Variants in MELK observed in about 807,000 individuals in gnomAD.
MELK encodes maternal embryonic leucine zipper kinase.
A neutral mutation model predicts 85.0 loss-of-function variants in MELK; 81 were observed. That is an observed-to-expected ratio of 0.95 (90% CI 0.80 to 1.15). The LOEUF is 1.15. MELK is among the 50% of genes most tolerant of loss of function. The probability of loss-of-function intolerance (pLI) is 0.00; values close to 1 mark genes in which losing one functional copy is unlikely to be tolerated. For synonymous variants in MELK, 252 were observed against 265.0 expected (o/e 0.95, Z 0.48); for missense variants, 754 against 777.5 (o/e 0.97, Z 0.36).
chr9:36,673,048 GTTTT>G (rs1309879970), intron 16 of MELK, among the ~76,000 whole-genome samples: 2 of 152,112 alleles, frequency 1.3e-5, no homozygotes, highest in East Asian at 3.8e-4. Context: ...TAATACCTTA[GTTTT>G]TTAAGATAGC....
At chr9:36,641,016 G>C (rs1829707429) in intron 10 of MELK, among the ~76,000 whole-genome samples, 1 of 152,128 alleles carries the variant, frequency 6.6e-6, no homozygotes, top group South Asian at 2.1e-4. Context: ...TCTCTTTCTT[G>C]TTATGTTTGG....
chr9:36,669,459 C>T (rs925779354), intron 15 of MELK, 53 bp downstream of exon 15: 4 of 1,290,036 alleles, frequency 3.1e-6, no homozygotes. Context: ...AACCAGATTT[C>T]CTTTTTCATG....
intron 12 of MELK, among the ~76,000 whole-genome samples, chr9:36,652,754 A>T (rs891034079): frequency 6.7e-6 from 1 of 149,496 alleles, no homozygotes; most frequent in Non-Finnish European, 1.5e-5. Flanking sequence ...AAAAAAGAAA[A>T]TGCTTAAGCC....
intron 14 of MELK, among the ~76,000 whole-genome samples, chr9:36,667,615 G>C (rs933342716): frequency 6.6e-6 from 1 of 152,206 alleles, no homozygotes; most frequent in Non-Finnish European, 1.5e-5. Flanking sequence ...GTCATGACGA[G>C]AAAGATTGTG....
chr9:36,592,447 G>A (rs1203668881), intron 4 of MELK, among the ~76,000 whole-genome samples: 1 of 152,084 alleles, frequency 6.6e-6, no homozygotes, highest in Non-Finnish European at 1.5e-5. Context: ...AAGTGCTCGG[G>A]ATTACAGGAG....
chr9:36,615,208 C>T (rs1435777074), intron 8 of MELK, among the ~76,000 whole-genome samples: 1 of 143,852 alleles, frequency 7.0e-6, no homozygotes, highest in East Asian at 2.1e-4. Flanking sequence ...CTGACCCCCC[C>T]ACCTCCCTCC....
At chr9:36,608,641 G>A (rs1825795873) in intron 8 of MELK, among the ~76,000 whole-genome samples, 1 of 151,994 alleles carries the variant, frequency 6.6e-6, no homozygotes, top group African/African-American at 2.4e-5. Flanking sequence ...GAGTGCAATG[G>A]TGCGATCTTG....
Position 36,636,782 on chromosome 9 carries a change from T to TTCTTTCTGTCTGTCTGTCTG in MELK, c.834+3585_834+3586insTTCTGTCTGTCTGTCTGTCT, listed in dbSNP as rs71494635. On this transcript the variant is annotated intron_variant, in intron 10 of 17. Coordinates refer to ENST00000298048, the MANE Select transcript of MELK (RefSeq NM_014791.4). ...TTTCTTTCTTTCTTTCTTTCTTTCT[T>TTCTTTCTGTCTGTCTGTCTG]TCTGTCTGTCTTTCTTTCTTTCTGT... Among the ~76,000 whole-genome samples the TTCTTTCTGTCTGTCTGTCTG allele has an allele frequency of 1.9e-3, 202 of 107,642 alleles. 2 individuals are homozygous for TTCTTTCTGTCTGTCTGTCTG. The highest frequency in any genetic ancestry group is 2.5e-3 in the African/African-American group (61 of 24,516). The allele number at this position is 107,642 out of a possible 152,430, so 70.6% of individuals were successfully genotyped here.
At chr9:36,598,964 G>A (rs1378246262) in intron 6 of MELK, among the ~76,000 whole-genome samples, 1 of 152,112 alleles carries the variant, frequency 6.6e-6, no homozygotes, top group African/African-American at 2.4e-5. Flanking sequence ...ATTATGTGGG[G>A]TGGTTTTTCA....
intron 3 of MELK, among the ~76,000 whole-genome samples, chr9:36,584,595 A>G (rs1206424625): frequency 6.7e-6 from 1 of 150,166 alleles, no homozygotes; most frequent in East Asian, 2.0e-4. Context: ...GACCTCCCAA[A>G]GTGCTGGGAT....
intron 4 of MELK, among the ~76,000 whole-genome samples, chr9:36,590,527 A>G (rs532203411): frequency 7.2e-5 from 11 of 151,966 alleles, no homozygotes; most frequent in African/African-American, 2.4e-4. Context: ...TCTCTGTCCA[A>G]ATGTCTCTCT....
At chr9:36,627,676 C>T (rs1828075602) in intron 8 of MELK, among the ~76,000 whole-genome samples, 1 of 150,998 alleles carries the variant, frequency 6.6e-6, no homozygotes, top group African/African-American at 2.4e-5. Flanking sequence ...TATAAGTGCC[C>T]GCCACCACAC....
At chr9:36,666,853 TTGTGTGTGTGTGTGTGTGTGTGTG>T (rs5897643) in intron 14 of MELK, among the ~76,000 whole-genome samples, 66 of 130,836 alleles carry the variant, frequency 5.0e-4, no homozygotes, top group Admixed American at 2.3e-3. Context: ...ATGTCTGTGT[TTGTGTGTGTGTGTGTGTGTGTGTG>T]TGTGTGTGTG....
At chr9:36,627,815 C>T (rs1362884932) in intron 8 of MELK, among the ~76,000 whole-genome samples, 2 of 152,122 alleles carry the variant, frequency 1.3e-5, no homozygotes, top group Non-Finnish European at 2.9e-5. Context: ...GCGTGAGCCA[C>T]TGTGCCCAGC....
At chr9:36,652,032 T>A (rs1830755439) in intron 12 of MELK, among the ~76,000 whole-genome samples, 155 bp downstream of exon 12, 1 of 142,830 alleles carries the variant, frequency 7.0e-6, no homozygotes, top group South Asian at 2.3e-4. Context: ...AGTTCTGAAG[T>A]TGAACTCTAA....
intron 6 of MELK, among the ~76,000 whole-genome samples, chr9:36,597,750 A>T (rs1184080273): frequency 6.6e-6 from 1 of 152,238 alleles, no homozygotes; most frequent in African/African-American, 2.4e-5. Context: ...TAAAAGAAGG[A>T]AAAAGCCCAT....
At chr9:36,583,500 C>CA in intron 2 of MELK, 127 bp from the exon 3 acceptor site, 1 of 430,720 alleles carries the variant, frequency 2.3e-6, no homozygotes, top group Non-Finnish European at 3.9e-6. Flanking sequence ...CAAGCAGCAA[C>CA]AGGAAAAAAA....
At chr9:36,614,879 T>C (rs989338892) in intron 8 of MELK, among the ~76,000 whole-genome samples, 223 of 147,930 alleles carry the variant, frequency 1.5e-3, no homozygotes, top group South Asian at 2.0e-3. Context: ...CTCAATCTTT[T>C]CCCCACCTTT....
intron 3 of MELK, among the ~76,000 whole-genome samples, chr9:36,586,165 A>G (rs969465364): frequency 6.6e-6 from 1 of 151,946 alleles, no homozygotes; most frequent in African/African-American, 2.4e-5. Flanking sequence ...ACAAGGTGAA[A>G]GCCCTTCTCT....
Sources: allele counts gnomAD v4.1 joint callset (sites outside exome capture counted in the v4.1 genomes callset), GRCh38; gene constraint gnomAD v4.1.1; transcripts MANE v1.5; gene names NCBI Gene and HGNC (gene_info 2026-07-23, HGNC 2026-07-21).